Variants in RAD17 observed in about 807,000 individuals in gnomAD.
RAD17 encodes RAD17 checkpoint clamp loader component.
In RAD17, 31 loss-of-function variants were observed where a neutral mutation model predicts 81.5. The ratio of observed to expected loss-of-function variants is 0.38; its 90% CI spans 0.29 to 0.51. The LOEUF (loss-of-function observed/expected upper bound fraction) is 0.51. Ranked by LOEUF, RAD17 falls within the 20% of genes least tolerant of loss-of-function variation. The probability of loss-of-function intolerance (pLI) is 0.88; values close to 1 mark genes in which losing one functional copy is unlikely to be tolerated. For synonymous variants in RAD17, 261 were observed against 266.2 expected (o/e 0.98, Z 0.19); for missense variants, 681 against 781.2 (o/e 0.87, Z 1.53).
At chr5:69,408,243 G>C (rs1257081084) in intron 17 of RAD17, among the ~76,000 whole-genome samples, 1 of 152,122 alleles carries the variant, frequency 6.6e-6, no homozygotes, top group Non-Finnish European at 1.5e-5. Flanking sequence ...CAATTTTGGA[G>C]AATATTGATT....
intron 1 of RAD17, chr5:69,370,284 G>C (rs547932312): frequency 1.3e-5 from 2 of 152,724 alleles, no homozygotes; most frequent in East Asian, 1.9e-4. Flanking sequence ...TTTTAAAGGA[G>C]GTAATTGTCA....
intron 17 of RAD17, among the ~76,000 whole-genome samples, chr5:69,409,737 A>AT (rs1765849192): frequency 6.6e-6 from 1 of 152,202 alleles, no homozygotes; most frequent in Non-Finnish European, 1.5e-5. Context: ...TCTACAGTGC[A>AT]GTAGTGTTAA....
chr5:69,373,765 C>A, intron 4 of RAD17, 65 bp from the exon 5 acceptor site: 3 of 1,056,526 alleles, frequency 2.8e-6, no homozygotes, highest in Non-Finnish European at 1.3e-6. Flanking sequence ...CAGAGTAGTT[C>A]AGTTATTTGG....
intron 12 of RAD17, among the ~76,000 whole-genome samples, chr5:69,391,292 T>G (rs762081615): frequency 1.3e-5 from 2 of 152,152 alleles, no homozygotes; most frequent in Admixed American, 6.5e-5. Flanking sequence ...TCCTATGTAT[T>G]ACATGCCAAG....
At chr5:69,407,451 C>T (rs948077649) in intron 17 of RAD17, among the ~76,000 whole-genome samples, 1 of 151,198 alleles carries the variant, frequency 6.6e-6, no homozygotes, top group Non-Finnish European at 1.5e-5. Flanking sequence ...TTTTCTGCTG[C>T]TTTCTGTCCT....
At chr5:69,391,358 T>C (rs548939507) in intron 12 of RAD17, among the ~76,000 whole-genome samples, 19 of 152,332 alleles carry the variant, frequency 1.2e-4, no homozygotes, top group Non-Finnish European at 2.5e-4. Context: ...CTGTACAGGT[T>C]GAATATCCTT....
Position 69,384,948 on chromosome 5 carries a change from T to TAA in RAD17, c.645+18_645+19dup. On this transcript the variant is annotated intron_variant, in intron 8 of 18. Coordinates refer to ENST00000354868, the MANE Select transcript of RAD17 (RefSeq NM_133338.3). ...TTCTGGTTGAAGTAAGGACAACTTT[T>TAA]AAAATCTTTTTTTTTTTTTTTTTGA... 1 of 1,555,250 alleles carries TAA rather than the reference T, an allele frequency of 6.4e-7. No homozygotes were observed. Among genetic ancestry groups the TAA allele is most frequent in the Non-Finnish European group, 8.7e-7 (1 of 1,151,942 alleles).
At chr5:69,394,122 A>G (rs1764725889) in intron 15 of RAD17, among the ~76,000 whole-genome samples, 1 of 143,746 alleles carries the variant, frequency 7.0e-6, no homozygotes, top group African/African-American at 2.6e-5. Context: ...TGGTACAAAC[A>G]TGGTTCACTG....
At chr5:69,392,149 C>T (rs1764593265) in intron 13 of RAD17, 136 bp downstream of exon 13, 1 of 663,564 alleles carries the variant, frequency 1.5e-6, no homozygotes, top group Non-Finnish European at 2.4e-6. Flanking sequence ...TACTGTTTGC[C>T]TAGGCCTAAG....
rs376468928 is a variant in RAD17 at position 69,414,543 on chromosome 5, T to C, written c.*251T>C. 6 of 539,556 alleles carry C rather than the reference T, an allele frequency of 1.1e-5. No homozygotes were observed. The African/African-American group carries it at 1.1e-4, about 10-fold the overall frequency. 33.4% of individuals were successfully genotyped at this position (539,556 alleles called of 1,614,324 possible). A position where few individuals can be genotyped will look rare whatever the true frequency, so the allele number is the denominator to read the frequency against. ...AGTGGTTTAAGGAGCGGTCAGTGTGTATAAAGTGTGTTTGAACATTATGCC... is the reference window on the plus strand; with the variant it reads ...AGTGGTTTAAGGAGCGGTCAGTGTGCATAAAGTGTGTTTGAACATTATGCC... On this transcript the variant is annotated 3_prime_UTR_variant, in exon 19 of 19. Coordinates refer to ENST00000354868, the MANE Select transcript of RAD17 (RefSeq NM_133338.3).
At chr5:69,372,652 C>T (rs1432014879) in intron 4 of RAD17, among the ~76,000 whole-genome samples, 1 of 151,778 alleles carries the variant, frequency 6.6e-6, no homozygotes, top group African/African-American at 2.4e-5. Context: ...CACTCTGTTG[C>T]CCGGGCTGGA....
intron 11 of RAD17, 68 bp from the exon 12 acceptor site, chr5:69,388,966 G>T: frequency 1.3e-6 from 1 of 783,006 alleles, no homozygotes; most frequent in Non-Finnish European, 1.9e-6. Flanking sequence ...TAGAAAATAG[G>T]TTGGGGTTTT....
intron 4 of RAD17, among the ~76,000 whole-genome samples, chr5:69,373,333 T>C (rs1230306238): frequency 6.6e-6 from 1 of 152,204 alleles, no homozygotes; most frequent in Non-Finnish European, 1.5e-5. Flanking sequence ...AGTAGACAAG[T>C]ATGCACTTGC....
chr5:69,404,002 A>C (rs1345104960), intron 17 of RAD17, among the ~76,000 whole-genome samples: 1 of 133,156 alleles, frequency 7.5e-6, no homozygotes, highest in Non-Finnish European at 1.8e-5. Flanking sequence ...CATTTTTAAT[A>C]TGACACAAAT....
chr5:69,393,124 T>G (rs1554041569), intron 13 of RAD17, 31 bp from the exon 14 acceptor site: 1 of 1,437,964 alleles, frequency 7.0e-7, no homozygotes, highest in South Asian at 1.2e-5. Flanking sequence ...AAGAAGGTAT[T>G]ATCTTTAATA....
chr5:69,401,758 CG>C, intron 17 of RAD17, among the ~76,000 whole-genome samples: 1 of 151,682 alleles, frequency 6.6e-6, no homozygotes, highest in East Asian at 2.0e-4. Context: ...GAGGCCAAGA[CG>C]GGCGGATCAC....
At chr5:69,380,488 T>C (rs1763784524) in intron 6 of RAD17, among the ~76,000 whole-genome samples, 1 of 152,214 alleles carries the variant, frequency 6.6e-6, no homozygotes, top group Non-Finnish European at 1.5e-5. Flanking sequence ...TGTATATTGT[T>C]GATCCATATA....
chr5:69,383,614 A>G (rs778417764), intron 7 of RAD17, among the ~76,000 whole-genome samples: 4 of 152,074 alleles, frequency 2.6e-5, no homozygotes, highest in Non-Finnish European at 5.9e-5. Flanking sequence ...CCCTGACCTC[A>G]GGTGATCCAA....
chr5:69,402,340 G>A lies in RAD17; in HGVS notation c.1693+2171G>A, dbSNP rs368761852. 4.6e-4 allele frequency among the ~76,000 whole-genome samples: 70 copies of A among 151,790 alleles called. No homozygotes were observed. In the South Asian group the frequency reaches 0.014, roughly 29 times the overall value. On this transcript the variant is annotated intron_variant, in intron 17 of 18. Transcript: ENST00000354868. ...TGCGGAATTACAGGCGTGAGCCACC[G>A]CGCCCGGCCACTGGTTTTTAAACTT...
Sources: gnomAD v4.1 joint callset for allele counts (sites outside exome capture counted in the v4.1 genomes callset) on GRCh38, gnomAD v4.1.1 for gene constraint, MANE v1.5 for transcripts, NCBI Gene and HGNC (gene_info 2026-07-23, HGNC 2026-07-21) for gene names.